KATNAL1: variants seen among roughly 807,000 people sequenced by gnomAD.
The protein encoded by KATNAL1 is katanin catalytic subunit A1 like 1, also known as katanin p60 ATPase-containing subunit A-like 1.
Under a neutral mutation model 55.2 loss-of-function variants are expected in KATNAL1, and 32 were observed. The observed-to-expected ratio is 0.58, with a 90% CI of 0.44 to 0.78. The LOEUF (loss-of-function observed/expected upper bound fraction) is 0.78, where lower values mean the gene tolerates loss of function less well. Among genes scored for constraint, KATNAL1 ranks in the 30% least tolerant of loss-of-function variants. The probability of loss-of-function intolerance (pLI) is 0.00; values close to 1 mark genes in which losing one functional copy is unlikely to be tolerated. For synonymous variants in KATNAL1, 193 were observed against 193.6 expected (o/e 1.00, Z 0.02); for missense variants, 466 against 600.9 (o/e 0.78, Z 2.35).
At chr13:30,220,293 T>A (rs1241381763) in intron 9 of KATNAL1, among the ~76,000 whole-genome samples, 7 of 152,086 alleles carry the variant, frequency 4.6e-5, no homozygotes, top group Non-Finnish European at 4.4e-5. Flanking sequence ...AAACCCCGTC[T>A]CTACTAAAAA....
In KATNAL1 at chr13:30,260,564, G is replaced by A. The variant is rs1248861732; in HGVS notation, c.324-4949C>T. 5.3e-5 allele frequency among the ~76,000 whole-genome samples: 8 copies of A among 152,038 alleles called. No individual in the cohort carries two copies. The East Asian group carries it at 5.8e-4, about 11-fold the overall frequency. ...CTGAAAACCAAGGCTCGAGAACTAC[G>A]CAAAGAATGCAGAAGCCTCAGGAGC... On this transcript the variant is annotated intron_variant, in intron 3 of 10. Coordinates refer to ENST00000380615, the MANE Select transcript of KATNAL1 (RefSeq NM_032116.5).
chr13:30,205,750 CTGTGTGTGTGTGTGTGTG>C lies in KATNAL1; in HGVS notation c.*2772_*2789del, dbSNP rs143277319. The stretch of plus-strand genomic sequence containing the variant: ...AACACACTGTCTTCTGCAATAAAGA[CTGTGTGTGTGTGTGTGTG>C]TGTGTGTGTGTGTGTGTGTGTCTCA... On this transcript the variant is annotated 3_prime_UTR_variant, in exon 11 of 11. Coordinates refer to ENST00000380615, the MANE Select transcript of KATNAL1 (RefSeq NM_032116.5). 277 of 137,514 alleles carry C rather than the reference CTGTGTGTGTGTGTGTGTG, an allele frequency of 2.0e-3. 1 individual carries two copies. Among genetic ancestry groups the C allele is most frequent in the Non-Finnish European group, 2.8e-3 (178 of 64,252 alleles). The allele number at this position is 137,514 out of a possible 1,614,324, so 8.5% of individuals were successfully genotyped here.
At chr13:30,254,183 A>C (rs1878591028) in intron 4 of KATNAL1, among the ~76,000 whole-genome samples, 1 of 152,244 alleles carries the variant, frequency 6.6e-6, no homozygotes, top group African/African-American at 2.4e-5. Flanking sequence ...TCTATAATGC[A>C]AACCAATGTT....
At chr13:30,235,459 A>G (rs1876557458) in intron 6 of KATNAL1, among the ~76,000 whole-genome samples, 1 of 152,246 alleles carries the variant, frequency 6.6e-6, no homozygotes, top group South Asian at 2.1e-4. Context: ...ATCTGCCCCC[A>G]TGGCCCAAAC....
intron 1 of KATNAL1, chr13:30,296,113 G>A: frequency 2.6e-6 from 1 of 384,696 alleles, no homozygotes; most frequent in South Asian, 4.1e-5. Context: ...GATCGTCCGT[G>A]CATCTAGCCT....
At chr13:30,242,590 T>G (rs1877387956) in intron 4 of KATNAL1, among the ~76,000 whole-genome samples, 1 of 152,124 alleles carries the variant, frequency 6.6e-6, no homozygotes, top group Non-Finnish European at 1.5e-5. Flanking sequence ...TAAAATGTAT[T>G]GCGCAGAAGA....
At chr13:30,220,072 T>A (rs902906307) in intron 9 of KATNAL1, among the ~76,000 whole-genome samples, 8 of 152,214 alleles carry the variant, frequency 5.3e-5, no homozygotes, top group Non-Finnish European at 1.2e-4. Flanking sequence ...TTTTATTCCC[T>A]CCACTGGTAT....
At chr13:30,231,265 T>C in intron 7 of KATNAL1, 49 bp downstream of exon 7, 1 of 1,467,460 alleles carries the variant, frequency 6.8e-7, no homozygotes, top group Non-Finnish European at 9.2e-7. Context: ...TATGGGGGCA[T>C]CATAGGCCTA....
rs1878193561 is a variant in KATNAL1, at chr13:30,250,474, A to G, written c.492+4973T>C. On this transcript the variant is annotated intron_variant, in intron 4 of 10. Coordinates refer to ENST00000380615, the MANE Select transcript of KATNAL1 (RefSeq NM_032116.5). ...ACTAATATACACCACTGGCTAGATT[A>G]TCATTATTCATCAAAAAAGTATACA... Among the ~76,000 whole-genome samples the G allele has an allele frequency of 2.6e-5, 4 of 152,338 alleles. No homozygotes were observed. In the South Asian group the frequency reaches 8.3e-4, roughly 32 times the overall value.
rs546071912 is a variant in KATNAL1 at position 30,271,427 on chromosome 13, G to C, written c.323+8636C>G. 2.0e-5 allele frequency among the ~76,000 whole-genome samples: 3 copies of C among 152,284 alleles called. No homozygotes were observed. The South Asian group carries it at 6.2e-4, about 32-fold the overall frequency. ...CTGGCATCTGCTCAGCTTCTGGAGAGGCCTCAGGAAACTTACAATCATGGC... is the reference window on the plus strand; with the variant it reads ...CTGGCATCTGCTCAGCTTCTGGAGACGCCTCAGGAAACTTACAATCATGGC... On this transcript the variant is annotated intron_variant, in intron 3 of 10. Transcript: ENST00000380615.
chr13:30,283,291 AG>A (rs869107276), intron 2 of KATNAL1, among the ~76,000 whole-genome samples: 7,194 of 112,490 alleles, frequency 0.064, 3,026 homozygotes, highest in Middle Eastern at 0.1. Context: ...AAAAAAAAAA[AG>A]GAATGAATGA....
intron 3 of KATNAL1, among the ~76,000 whole-genome samples, chr13:30,260,073 C>G (rs1879145209): frequency 6.6e-6 from 1 of 152,232 alleles, no homozygotes; most frequent in African/African-American, 2.4e-5. Context: ...CCCCGACCCC[C>G]CAGCAGCCTA....
chr13:30,283,052 T>TG (rs1299153963), intron 2 of KATNAL1, among the ~76,000 whole-genome samples: 1 of 150,254 alleles, frequency 6.7e-6, no homozygotes, highest in Admixed American at 6.6e-5. Flanking sequence ...GGTGGATCAC[T>TG]AGGTCAGGAA....
intron 3 of KATNAL1, among the ~76,000 whole-genome samples, chr13:30,256,994 A>T (rs1292504245): frequency 6.6e-6 from 1 of 152,250 alleles, no homozygotes; most frequent in Non-Finnish European, 1.5e-5. Flanking sequence ...AATAGTGCAT[A>T]GTAATGGCTA....
At chr13:30,215,286 AGAG>A (rs1227485321) in intron 9 of KATNAL1, among the ~76,000 whole-genome samples, 4 of 152,174 alleles carry the variant, frequency 2.6e-5, no homozygotes, top group Non-Finnish European at 5.9e-5. Context: ...CAGGTGCTGG[AGAG>A]GATGTGGAGA....
chr13:30,264,871 G>C (rs1185843858), intron 3 of KATNAL1, among the ~76,000 whole-genome samples: 1 of 137,376 alleles, frequency 7.3e-6, no homozygotes, highest in Non-Finnish European at 1.6e-5. Context: ...TCCCATTACT[G>C]GGTATATACC....
At chr13:30,268,010 A>G (rs997613713) in intron 3 of KATNAL1, among the ~76,000 whole-genome samples, 3 of 152,236 alleles carry the variant, frequency 2.0e-5, no homozygotes, top group African/African-American at 7.2e-5. Context: ...AAATAAAAGT[A>G]CATTTTTCTA....
intron 2 of KATNAL1, chr13:30,281,962 G>C (rs1881382046): frequency 6.6e-6 from 1 of 151,696 alleles, no homozygotes; most frequent in Admixed American, 6.6e-5. Context: ...TAAAACAAAA[G>C]CCAATTTTGT....
At chr13:30,302,710 A>G (rs1203224387) in intron 1 of KATNAL1, among the ~76,000 whole-genome samples, 1 of 152,350 alleles carries the variant, frequency 6.6e-6, no homozygotes, top group South Asian at 2.1e-4. Flanking sequence ...AAAAAACACA[A>G]GAGTGAGTAT....
Sources: gnomAD v4.1 joint callset for allele counts (sites outside exome capture counted in the v4.1 genomes callset) on GRCh38, gnomAD v4.1.1 for gene constraint, MANE v1.5 for transcripts, NCBI Gene and HGNC (gene_info 2026-07-23, HGNC 2026-07-21) for gene names.